Variants in PPM1H observed in about 807,000 individuals in gnomAD.
PPM1H encodes protein phosphatase, Mg2+/Mn2+ dependent 1H.
Under a neutral mutation model 54.9 loss-of-function variants are expected in PPM1H, and 27 were observed. That is an observed-to-expected ratio of 0.49 (90% CI 0.36 to 0.68). The LOEUF (loss-of-function observed/expected upper bound fraction) is 0.68, where lower values mean the gene tolerates loss of function less well. Among genes scored for constraint, PPM1H ranks in the 30% least tolerant of loss-of-function variants. The pLI is 0.00. For synonymous variants in PPM1H, 305 were observed against 270.8 expected, an observed-to-expected ratio of 1.13 and a Z score of -1.24; for missense variants, 596 against 667.8, an observed-to-expected ratio of 0.89 and a Z score of 1.19.
At chr12:62,660,288 G>C (rs1011285473) in intron 9 of PPM1H, among the ~76,000 whole-genome samples, 2 of 152,068 alleles carry the variant, frequency 1.3e-5, no homozygotes, top group African/African-American at 4.8e-5. Flanking sequence ...AGAGAACACT[G>C]TTTCACATAT....
chr12:62,745,001 A>G (rs2076402238), intron 4 of PPM1H, among the ~76,000 whole-genome samples: 1 of 152,090 alleles, frequency 6.6e-6, no homozygotes, highest in Non-Finnish European at 1.5e-5. Context: ...ATGGGGAAAA[A>G]TGGAAGAGCA....
chr12:62,836,601 G>A (rs1042486523), intron 1 of PPM1H, among the ~76,000 whole-genome samples: 12 of 152,124 alleles, frequency 7.9e-5, no homozygotes, highest in African/African-American at 2.9e-4. Flanking sequence ...TGTACTTCAT[G>A]GATTAAATTC....
chr12:62,676,409 G>T lies in PPM1H; in HGVS notation c.1246-9080C>A, dbSNP rs539172621. Among the ~76,000 whole-genome samples the T allele has an allele frequency of 2.0e-3, 300 of 152,256 alleles. 1 individual carries two copies. Among genetic ancestry groups the T allele is most frequent in the African/African-American group, 6.9e-3 (285 of 41,548 alleles). On this transcript the variant is annotated intron_variant, in intron 8 of 9. Transcript: ENST00000228705. ...GCTGGTGGGAGCTGGGAACAGGTGG[G>T]AGCTCCCAAGTTGGTGGGACAGGAG...
intron 1 of PPM1H, among the ~76,000 whole-genome samples, chr12:62,892,791 A>G (rs1870845331): frequency 6.6e-6 from 1 of 152,206 alleles, no homozygotes; most frequent in Admixed American, 6.5e-5. Context: ...AGAGAAATTA[A>G]AATGTGGGGG....
At chr12:62,877,975 G>A (rs1455424780) in intron 1 of PPM1H, among the ~76,000 whole-genome samples, 4 of 152,188 alleles carry the variant, frequency 2.6e-5, no homozygotes, top group East Asian at 3.9e-4. Context: ...TCGGCTCACT[G>A]CAAGCTCCGC....
chr12:62,828,012 A>G (rs914638476), intron 2 of PPM1H, among the ~76,000 whole-genome samples: 1 of 152,092 alleles, frequency 6.6e-6, no homozygotes, highest in Non-Finnish European at 1.5e-5. Context: ...TCAGAGTTCA[A>G]TATGTTCAGT....
intron 4 of PPM1H, among the ~76,000 whole-genome samples, chr12:62,763,501 T>C (rs1166173473): frequency 1.3e-5 from 2 of 152,336 alleles, no homozygotes; most frequent in East Asian, 3.9e-4. Flanking sequence ...TGTTCACAAC[T>C]TGACAAAGCA....
chr12:62,697,995 T>A (rs2076123407), intron 6 of PPM1H, among the ~76,000 whole-genome samples: 1 of 152,128 alleles, frequency 6.6e-6, no homozygotes, highest in African/African-American at 2.4e-5. Flanking sequence ...AAAGGGTTGC[T>A]AAATTCTTGG....
intron 8 of PPM1H, among the ~76,000 whole-genome samples, chr12:62,678,718 T>A (rs2076001526): frequency 6.6e-6 from 1 of 151,508 alleles, no homozygotes; most frequent in Non-Finnish European, 1.5e-5. Context: ...TGAGACAGAG[T>A]CTTACTCTGT....
chr12:62,822,713 G>A (rs539890789), intron 2 of PPM1H, among the ~76,000 whole-genome samples: 22 of 152,132 alleles, frequency 1.4e-4, no homozygotes, highest in African/African-American at 4.1e-4. Context: ...AAGACACAAC[G>A]TACCAGAATC....
chr12:62,890,484 C>G lies in PPM1H; in HGVS notation c.245+44008G>C, dbSNP rs565906614. On this transcript the variant is annotated intron_variant, in intron 1 of 9. Transcript: ENST00000228705. ...CTTTCTGCTCAATTTTGTTGTGAACCTAAATCTGTTCTAAAAAATAAAGTC... is the reference window on the plus strand; with the variant it reads ...CTTTCTGCTCAATTTTGTTGTGAACGTAAATCTGTTCTAAAAAATAAAGTC... Among the ~76,000 whole-genome samples the G allele has an allele frequency of 2.0e-5, 3 of 152,048 alleles. No individual in the cohort carries two copies. The East Asian group carries it at 5.8e-4, about 29-fold the overall frequency.
chr12:62,685,960 T>C (rs528323367), intron 8 of PPM1H, among the ~76,000 whole-genome samples: 1 of 152,380 alleles, frequency 6.6e-6, no homozygotes, highest in South Asian at 2.1e-4. Flanking sequence ...CAATTAGTTT[T>C]ATTATTATTG....
chr12:62,762,918 T>C (rs1280974656), intron 4 of PPM1H, among the ~76,000 whole-genome samples: 1 of 152,190 alleles, frequency 6.6e-6, no homozygotes, highest in Non-Finnish European at 1.5e-5. Context: ...GAGGCTGAAA[T>C]GCCTTTGGAC....
intron 4 of PPM1H, among the ~76,000 whole-genome samples, chr12:62,784,253 G>A (rs2076658491): frequency 6.6e-6 from 1 of 152,144 alleles, no homozygotes; most frequent in South Asian, 2.1e-4. Flanking sequence ...CGTCACTGTG[G>A]ACCATCCTAC....
In PPM1H at chr12:62,856,992, G is replaced by A. The variant is rs544690601; in HGVS notation, c.246-24713C>T. Among the ~76,000 whole-genome samples the A allele has an allele frequency of 1.2e-3, 189 of 152,192 alleles. 1 individual carries two copies. The highest frequency in any genetic ancestry group is 4.3e-3 in the African/African-American group (178 of 41,516). On this transcript the variant is annotated intron_variant, in intron 1 of 9. Transcript: ENST00000228705. ...CTAAGAATTGTCTTTTCTTAAATTG[G>A]GTAATACATAGGTCTAATGTGTATA... is the stretch of plus-strand genomic sequence containing the variant.
chr12:62,914,698 A>T (rs927877740), intron 1 of PPM1H, among the ~76,000 whole-genome samples: 17 of 152,346 alleles, frequency 1.1e-4, no homozygotes, highest in Admixed American at 8.5e-4. Context: ...AATGACAATT[A>T]TATGCATCAG....
chr12:62,889,239 C>G (rs2121072912), intron 1 of PPM1H, among the ~76,000 whole-genome samples: 1 of 152,270 alleles, frequency 6.6e-6, no homozygotes, highest in East Asian at 1.9e-4. Flanking sequence ...AAAATTTCAG[C>G]ACATTATTTT....
rs2076647292 is a variant in PPM1H at position 62,782,336 on chromosome 12, A to C, written c.869+5890T>G. On this transcript the variant is annotated intron_variant, in intron 4 of 9. Transcript: ENST00000228705. ...AGCAAAGGGAAGAAACCTGGAGAGAAGATGCCACAGATGTGTAATTGATTT... is the reference window on the plus strand; with the variant it reads ...AGCAAAGGGAAGAAACCTGGAGAGACGATGCCACAGATGTGTAATTGATTT... 3.9e-5 allele frequency among the ~76,000 whole-genome samples: 6 copies of C among 152,370 alleles called. No individual in the cohort carries two copies. The South Asian group carries it at 1.2e-3, about 32-fold the overall frequency.
chr12:62,656,627 T>TATAAGAGGGTGAGTA (rs2075845526), intron 9 of PPM1H, among the ~76,000 whole-genome samples: 1 of 152,138 alleles, frequency 6.6e-6, no homozygotes. Flanking sequence ...GACAGGGTCT[T>TATAAGAGGGTGAGTA]ATAAGAGGGT....
Sources: allele counts gnomAD v4.1 joint callset (sites outside exome capture counted in the v4.1 genomes callset), GRCh38; gene constraint gnomAD v4.1.1; transcripts MANE v1.5; gene names NCBI Gene and HGNC (gene_info 2026-07-23, HGNC 2026-07-21).